Variants in SDK1 observed in about 807,000 individuals in gnomAD.
The protein encoded by SDK1 is protein sidekick-1.
In SDK1, 157 loss-of-function variants were observed where a neutral mutation model predicts 245.5. That is an observed-to-expected ratio of 0.64 (90% confidence interval 0.56 to 0.73). SDK1 has a LOEUF of 0.73. Among genes scored for constraint, SDK1 ranks in the 30% least tolerant of loss-of-function variants. The pLI is 0.00. For synonymous variants in SDK1, 1,647 were observed against 1,278.5 expected (o/e 1.29, Z -6.15); for missense variants, 3,583 against 3,002.3 (o/e 1.19, Z -4.52).
intron 4 of SDK1, among the ~76,000 whole-genome samples, chr7:3,744,837 CAAAAA>C (rs1779574540): frequency 6.6e-6 from 1 of 151,104 alleles, no homozygotes; most frequent in African/African-American, 2.4e-5. Flanking sequence ...CAAAAAAAAA[CAAAAA>C]GAAAAAGAAA....
intron 4 of SDK1, among the ~76,000 whole-genome samples, chr7:3,750,738 A>G (rs1325621390): frequency 6.6e-6 from 1 of 152,240 alleles, no homozygotes; most frequent in South Asian, 2.1e-4. Flanking sequence ...CAGAAGCCCC[A>G]CTGAAGTTTG....
At chr7:4,228,574 C>T (rs1322729651) in intron 40 of SDK1, among the ~76,000 whole-genome samples, 1 of 152,222 alleles carries the variant, frequency 6.6e-6, no homozygotes, top group Non-Finnish European at 1.5e-5. Flanking sequence ...GAGTCTCACT[C>T]TGTTGCCCAG....
chr7:3,557,454 A>G (rs948548761), intron 1 of SDK1, among the ~76,000 whole-genome samples: 3 of 152,222 alleles, frequency 2.0e-5, no homozygotes, highest in Admixed American at 6.5e-5. Context: ...TATGGTCACA[A>G]AAGAGCAAGA....
chr7:3,387,348 C>G (rs1054271417), intron 1 of SDK1, among the ~76,000 whole-genome samples: 2 of 152,150 alleles, frequency 1.3e-5, no homozygotes, highest in African/African-American at 4.8e-5. Flanking sequence ...TCCTCAAAGT[C>G]CAGAGGTGGG....
chr7:3,823,498 C>T (rs1204106439), intron 5 of SDK1, among the ~76,000 whole-genome samples: 1 of 152,158 alleles, frequency 6.6e-6, no homozygotes, highest in Admixed American at 6.5e-5. Context: ...TAAGGGCCAG[C>T]AGAAAATAAA....
At chr7:3,486,317 G>A (rs973231538) in intron 1 of SDK1, among the ~76,000 whole-genome samples, 1 of 151,466 alleles carries the variant, frequency 6.6e-6, no homozygotes, top group Non-Finnish European at 1.5e-5. Context: ...TTTTTTCTTA[G>A]TTAGACTTGG....
intron 1 of SDK1, among the ~76,000 whole-genome samples, chr7:3,373,433 A>G (rs1274544938): frequency 1.3e-5 from 2 of 152,238 alleles, no homozygotes; most frequent in East Asian, 3.8e-4. Flanking sequence ...AATAGATGTT[A>G]GGGAGGTACT....
In SDK1 at chr7:3,868,198, C is replaced by G. The variant is rs138887360; in HGVS notation, c.847+46615C>G. The stretch of plus-strand genomic sequence containing the variant: ...TAATCAGGTAACCTGTCATCACCCA[C>G]TAGAAGTGTTATTATTTATTGTTTA... On this transcript the variant is annotated intron_variant, in intron 5 of 44. Coordinates refer to ENST00000404826, the MANE Select transcript of SDK1 (RefSeq NM_152744.4). 4.3e-3 allele frequency among the ~76,000 whole-genome samples: 651 copies of G among 152,288 alleles called. 3 individuals carry two copies. The highest frequency in any genetic ancestry group is 6.9e-3 in the Non-Finnish European group (468 of 68,018).
intron 4 of SDK1, among the ~76,000 whole-genome samples, chr7:3,645,932 C>G (rs986410611): frequency 1.3e-5 from 2 of 151,958 alleles, no homozygotes; most frequent in African/African-American, 2.4e-5. Flanking sequence ...AATCTAGGCT[C>G]ACTGCAACCT....
At chr7:4,074,878 C>A (rs1189708410) in intron 20 of SDK1, among the ~76,000 whole-genome samples, 16 of 91,420 alleles carry the variant, frequency 1.8e-4, no homozygotes, top group African/African-American at 1.1e-3. Context: ...CTCTCTCTCT[C>A]TCTCTCTGTA....
intron 35 of SDK1, among the ~76,000 whole-genome samples, chr7:4,202,043 C>T (rs1043054005): frequency 3.3e-5 from 5 of 152,188 alleles, no homozygotes; most frequent in Admixed American, 6.5e-5. Context: ...CCCACTGTCA[C>T]GTCTCAAATC....
intron 4 of SDK1, among the ~76,000 whole-genome samples, chr7:3,794,924 G>A (rs1423068081): frequency 6.7e-6 from 1 of 148,648 alleles, no homozygotes; most frequent in South Asian, 2.1e-4. Flanking sequence ...ATATTAATGA[G>A]CTTTTTATTT....
chr7:3,380,624 A>C (rs573439265), intron 1 of SDK1, among the ~76,000 whole-genome samples: 89 of 152,318 alleles, frequency 5.8e-4, no homozygotes, highest in African/African-American at 2.0e-3. Flanking sequence ...CACAAGCTTT[A>C]AGCTTTTAAC....
At position 4,220,093 on chromosome 7, in the gene SDK1, C is replaced by A; in HGVS notation, c.5540-16C>A. On this transcript the variant is annotated splice_polypyrimidine_tract_variant and intron_variant, in intron 38 of 44. Transcript: ENST00000404826. ...AGGCTGAACCCCCTTGTTTCCTTTGCTTCTGGCGGCTGCAGGGGTGAGCAA... is the reference window on the plus strand; with the variant it reads ...AGGCTGAACCCCCTTGTTTCCTTTGATTCTGGCGGCTGCAGGGGTGAGCAA... The A allele has an allele frequency of 6.2e-7, 1 of 1,610,586 alleles. No individual in the cohort carries two copies. Among genetic ancestry groups the A allele is most frequent in the South Asian group, 1.1e-5 (1 of 90,752 alleles).
intron 4 of SDK1, among the ~76,000 whole-genome samples, chr7:3,744,324 T>C (rs1255544775): frequency 6.6e-6 from 1 of 152,098 alleles, no homozygotes; most frequent in Non-Finnish European, 1.5e-5. Context: ...TTTCCATATA[T>C]ACATTTAGCT....
At chr7:3,981,596 G>A (rs901127220) in intron 13 of SDK1, among the ~76,000 whole-genome samples, 3 of 152,188 alleles carry the variant, frequency 2.0e-5, no homozygotes, top group Non-Finnish European at 4.4e-5. Context: ...GTGCTCCAGG[G>A]AACACACAAA....
chr7:3,549,087 T>C (rs1040940328), intron 1 of SDK1, among the ~76,000 whole-genome samples: 1 of 152,236 alleles, frequency 6.6e-6, no homozygotes, highest in African/African-American at 2.4e-5. Flanking sequence ...CTACTTGCCA[T>C]TCAATGTAAG....
chr7:3,861,996 G>A (rs1374822196), intron 5 of SDK1, among the ~76,000 whole-genome samples: 1 of 152,196 alleles, frequency 6.6e-6, no homozygotes, highest in East Asian at 1.9e-4. Context: ...TGACCTGGCA[G>A]CAAACAAAGG....
intron 26 of SDK1, among the ~76,000 whole-genome samples, chr7:4,128,069 C>G (rs144756384): frequency 2.0e-5 from 3 of 152,308 alleles, no homozygotes; most frequent in Non-Finnish European, 4.4e-5. Flanking sequence ...ATCCACCCCA[C>G]CCCTTTAAAA....
Sources: allele counts gnomAD v4.1 joint callset (sites outside exome capture counted in the v4.1 genomes callset), GRCh38; gene constraint gnomAD v4.1.1; transcripts MANE v1.5; gene names NCBI Gene and HGNC (gene_info 2026-07-23, HGNC 2026-07-21).